Variants in OR2L13 observed in about 807,000 individuals in gnomAD.
OR2L13 encodes the protein olfactory receptor 2L13.
Under a neutral mutation model 15.3 loss-of-function variants are expected in OR2L13, and 14 were observed. The observed-to-expected ratio is 0.91, with a 90% CI of 0.60 to 1.43. The LOEUF (loss-of-function observed/expected upper bound fraction) is 1.43, where lower values mean the gene tolerates loss of function less well. OR2L13 is among the 40% of genes most tolerant of loss of function. The pLI is 0.00. For synonymous variants in OR2L13, 152 were observed against 142.9 expected, an observed-to-expected ratio of 1.06 and a Z score of -0.45; for missense variants, 367 against 387.9, an observed-to-expected ratio of 0.95 and a Z score of 0.45.
chr1:247,993,344 T>TG, the OR2L13 span, among the ~76,000 whole-genome samples: 4 of 146,904 alleles, frequency 2.7e-5, no homozygotes, highest in African/African-American at 7.7e-5. Context: ...TCCTCGTTGT[T>TG]TTTTTTTTTT....
chr1:247,994,253 C>T, the OR2L13 span, among the ~76,000 whole-genome samples: 11 of 152,060 alleles, frequency 7.2e-5, no homozygotes, highest in Admixed American at 3.3e-4. Flanking sequence ...AAAAATTAGC[C>T]GGGCGTGGTG....
At chr1:248,034,642 A>C in the OR2L13 span, among the ~76,000 whole-genome samples, 1 of 152,040 alleles carries the variant, frequency 6.6e-6, no homozygotes, top group Non-Finnish European at 1.5e-5. Flanking sequence ...GTCTTCTTTG[A>C]TTGTTCTAAT....
the OR2L13 span, among the ~76,000 whole-genome samples, chr1:247,981,916 C>A: frequency 1.3e-5 from 2 of 151,596 alleles, no homozygotes; most frequent in Admixed American, 1.3e-4. Context: ...CCCGGGTTCA[C>A]GCCATTCTCC....
At chr1:248,022,634 T>C in the OR2L13 span, 1 of 1,614,178 alleles carries the variant, frequency 6.2e-7, no homozygotes, top group Non-Finnish European at 8.5e-7. Context: ...GCATGCACTC[T>C]GCAGAAGGGA....
the OR2L13 span, chr1:248,061,754 C>A: frequency 6.2e-6 from 5 of 805,896 alleles, no homozygotes; most frequent in South Asian, 6.8e-5. Context: ...TCACTGATTT[C>A]TGGACAAAAT....
At chr1:248,041,849 G>T in the OR2L13 span, 1 of 152,176 alleles carries the variant, frequency 6.6e-6, no homozygotes, top group Non-Finnish European at 1.5e-5. Context: ...TCATTAAAAC[G>T]TCAGGAAACA....
At chr1:248,020,068 C>A in the OR2L13 span, among the ~76,000 whole-genome samples, 1 of 152,176 alleles carries the variant, frequency 6.6e-6, no homozygotes, top group Admixed American at 6.5e-5. Context: ...CAGGTGTGAA[C>A]AAACGCACCT....
chr1:248,031,983 A>C, the OR2L13 span, among the ~76,000 whole-genome samples: 1 of 152,174 alleles, frequency 6.6e-6, no homozygotes, highest in Non-Finnish European at 1.5e-5. Flanking sequence ...TATATAAAAT[A>C]CAAATAATAG....
chr1:248,061,000 G>A, the OR2L13 span: 25 of 1,613,950 alleles, frequency 1.5e-5, no homozygotes, highest in Admixed American at 5.0e-5. Context: ...CTCGGCATTA[G>A]GAGGTGCAGA....
At chr1:247,942,057 A>T in the OR2L13 span, among the ~76,000 whole-genome samples, 1 of 152,278 alleles carries the variant, frequency 6.6e-6, no homozygotes, top group South Asian at 2.1e-4. Context: ...CAAAAAAACT[A>T]CATGATCTCA....
At chr1:247,981,163 G>A in the OR2L13 span, among the ~76,000 whole-genome samples, 1 of 152,150 alleles carries the variant, frequency 6.6e-6, no homozygotes, top group Admixed American at 6.5e-5. Flanking sequence ...GAAGCTAAAT[G>A]ATGTTCATGG....
At chr1:247,939,580 A>G in the OR2L13 span, 132 of 152,324 alleles carry the variant, frequency 8.7e-4, 1 homozygote, top group African/African-American at 3.0e-3. Context: ...GGTGGCAATG[A>G]AAAATATGCT....
At chr1:247,989,762 G>A in the OR2L13 span, among the ~76,000 whole-genome samples, 3 of 152,004 alleles carry the variant, frequency 2.0e-5, no homozygotes, top group Non-Finnish European at 4.4e-5. Flanking sequence ...TTTGCTTTTT[G>A]TGGTTTCTCC....
intron 1 of OR2L13, among the ~76,000 whole-genome samples, chr1:248,098,070 A>T (rs551394919): frequency 6.6e-6 from 1 of 152,336 alleles, no homozygotes; most frequent in Admixed American, 6.5e-5. Context: ...TTTATCATAC[A>T]TACCCTGGAA....
the OR2L13 span, chr1:248,023,192 A>G: frequency 5.3e-6 from 1 of 189,290 alleles, no homozygotes. Flanking sequence ...TCAGCATAAT[A>G]GTTATATGTT....
chr1:248,024,604 C>A, the OR2L13 span, among the ~76,000 whole-genome samples: 1 of 152,054 alleles, frequency 6.6e-6, no homozygotes, highest in East Asian at 1.9e-4. Flanking sequence ...GGAAGGGATC[C>A]AGTTTCAGCT....
upstream of OR2L13, among the ~76,000 whole-genome samples, chr1:248,093,959 G>A (rs984491710): frequency 1.4e-4 from 22 of 152,118 alleles, no homozygotes; most frequent in African/African-American, 4.8e-4. Context: ...TGATTAATGG[G>A]CTCAAAAATA....
At chr1:248,061,822 T>A in the OR2L13 span, 1 of 430,618 alleles carries the variant, frequency 2.3e-6, no homozygotes. Context: ...CATGGCATTG[T>A]TTCCATAAAT....
chr1:248,039,238 G>T, the OR2L13 span: 1 of 1,568,894 alleles, frequency 6.4e-7, no homozygotes, highest in Non-Finnish European at 8.6e-7. Context: ...CAAAGCGCTA[G>T]GTTCATATCA....
Sources: gnomAD v4.1 joint callset for allele counts (sites outside exome capture counted in the v4.1 genomes callset) on GRCh38, gnomAD v4.1.1 for gene constraint, MANE v1.5 for transcripts, NCBI Gene and HGNC (gene_info 2026-07-23, HGNC 2026-07-21) for gene names.